Variants in ME3 observed in about 807,000 individuals in gnomAD.
The protein encoded by ME3 is malic enzyme 3.
In ME3, 48 loss-of-function variants were observed where a neutral mutation model predicts 68.9. The ratio of observed to expected loss-of-function variants is 0.70; its 90% confidence interval spans 0.55 to 0.89. ME3 has a LOEUF of 0.89. Among genes scored for constraint, ME3 ranks in the 40% least tolerant of loss-of-function variants. ME3 has a pLI of 0.00. For synonymous variants in ME3, 320 were observed against 318.8 expected, an observed-to-expected ratio of 1.00 and a Z score of -0.04; for missense variants, 675 against 797.4, an observed-to-expected ratio of 0.85 and a Z score of 1.85.
chr11:86,569,932 T>A (rs142451622), intron 2 of ME3, among the ~76,000 whole-genome samples: 1 of 152,198 alleles, frequency 6.6e-6, no homozygotes, highest in East Asian at 1.9e-4. Context: ...AGTTGTTGAC[T>A]GAGTTGAGTT....
At chr11:86,492,097 G>A (rs990952167) in intron 6 of ME3, among the ~76,000 whole-genome samples, 1 of 152,230 alleles carries the variant, frequency 6.6e-6, no homozygotes, top group African/African-American at 2.4e-5. Context: ...ATAGACCTGG[G>A]TTTGAATTGA....
chr11:86,516,858 G>T (rs1197336565), intron 4 of ME3, among the ~76,000 whole-genome samples: 2 of 152,070 alleles, frequency 1.3e-5, no homozygotes, highest in African/African-American at 2.4e-5. Flanking sequence ...TTCTCTCTTA[G>T]CTAGTGCTTG....
intron 2 of ME3, among the ~76,000 whole-genome samples, chr11:86,581,051 C>A (rs564279658): frequency 1.3e-5 from 2 of 152,152 alleles, no homozygotes; most frequent in East Asian, 3.8e-4. Context: ...GAAATATTCT[C>A]CCCAGGGGAA....
intron 8 of ME3, chr11:86,462,523 CAG>C (rs1284689953): frequency 1.7e-6 from 2 of 1,193,228 alleles, no homozygotes; most frequent in African/African-American, 3.1e-5. Flanking sequence ...ACCTGGATAA[CAG>C]AGAGGCTGCA....
At chr11:86,467,624 C>T (rs1476024150) in intron 7 of ME3, among the ~76,000 whole-genome samples, 1 of 150,974 alleles carries the variant, frequency 6.6e-6, no homozygotes, top group Non-Finnish European at 1.5e-5. Flanking sequence ...ATGTGATGAA[C>T]GTTTTCTGTC....
intron 4 of ME3, among the ~76,000 whole-genome samples, chr11:86,530,108 G>A (rs1480928426): frequency 1.3e-5 from 2 of 152,204 alleles, no homozygotes; most frequent in African/African-American, 2.4e-5. Flanking sequence ...AAACCCCATT[G>A]TCTCAGCCCA....
chr11:86,478,526 T>C (rs1951212830), intron 7 of ME3, among the ~76,000 whole-genome samples: 1 of 152,142 alleles, frequency 6.6e-6, no homozygotes, highest in Non-Finnish European at 1.5e-5. Context: ...GGCATTGTTA[T>C]GGGTTCTGCC....
intron 2 of ME3, among the ~76,000 whole-genome samples, chr11:86,592,886 G>A (rs1310772037): frequency 6.6e-6 from 1 of 152,132 alleles, no homozygotes; most frequent in Non-Finnish European, 1.5e-5. Context: ...AGCACAGAAC[G>A]CAGGCATCAA....
intron 2 of ME3, among the ~76,000 whole-genome samples, chr11:86,661,211 G>A (rs929957304): frequency 6.6e-6 from 1 of 152,244 alleles, no homozygotes; most frequent in Non-Finnish European, 1.5e-5. Context: ...AAAGAGCCAT[G>A]ACTACTACAA....
intron 8 of ME3, among the ~76,000 whole-genome samples, chr11:86,455,197 C>T (rs1028541384): frequency 1.9e-4 from 27 of 145,120 alleles, no homozygotes; most frequent in Non-Finnish European, 6.1e-5. Flanking sequence ...TGAGGGCCTA[C>T]AAAGTGACAG....
At chr11:86,618,344 T>TACCTAAC (rs1293468306) in intron 2 of ME3, among the ~76,000 whole-genome samples, 6 of 121,916 alleles carry the variant, frequency 4.9e-5, no homozygotes, top group Non-Finnish European at 8.7e-5. Flanking sequence ...GATCATAAAC[T>TACCTAAC]ACCTAACATA....
At chr11:86,637,658 G>A (rs1344714470) in intron 2 of ME3, among the ~76,000 whole-genome samples, 2 of 152,186 alleles carry the variant, frequency 1.3e-5, no homozygotes, top group Non-Finnish European at 2.9e-5. Flanking sequence ...CTTGTGCGTT[G>A]TGCTAAGGAG....
chr11:86,541,877 G>T (rs945354062), intron 4 of ME3, among the ~76,000 whole-genome samples: 15 of 152,200 alleles, frequency 9.9e-5, no homozygotes, highest in African/African-American at 3.1e-4. Flanking sequence ...CCCAGCAGGG[G>T]TCAACAGATA....
intron 7 of ME3, among the ~76,000 whole-genome samples, chr11:86,475,662 T>C (rs1420522501): frequency 6.6e-6 from 1 of 151,958 alleles, no homozygotes; most frequent in Non-Finnish European, 1.5e-5. Flanking sequence ...TTATCTGGCC[T>C]TGGGGAAATA....
At chr11:86,452,663 G>T (rs1361359043) in intron 8 of ME3, among the ~76,000 whole-genome samples, 1 of 152,136 alleles carries the variant, frequency 6.6e-6, no homozygotes, top group Non-Finnish European at 1.5e-5. Context: ...TAGCAGCCAG[G>T]CATATTTTTC....
intron 4 of ME3, among the ~76,000 whole-genome samples, chr11:86,538,252 G>A (rs921007875): frequency 8.5e-5 from 13 of 152,134 alleles, no homozygotes; most frequent in Admixed American, 3.9e-4. Context: ...AAGGAAAGAC[G>A]TTGGAATAGA....
At chr11:86,651,235 G>T (rs11518770) in intron 2 of ME3, among the ~76,000 whole-genome samples, 3 of 152,040 alleles carry the variant, frequency 2.0e-5, no homozygotes, top group Non-Finnish European at 4.4e-5. Context: ...CTGACAGCTT[G>T]GAAGACAGTA....
chr11:86,575,574 C>T (rs545766467), intron 2 of ME3, among the ~76,000 whole-genome samples: 3 of 128,730 alleles, frequency 2.3e-5, no homozygotes, highest in Admixed American at 2.2e-4. Context: ...GGACTGTTGG[C>T]AATCATTTCT....
At chr11:86,614,431 G>C (rs1942810737) in intron 2 of ME3, among the ~76,000 whole-genome samples, 1 of 152,162 alleles carries the variant, frequency 6.6e-6, no homozygotes, top group Admixed American at 6.5e-5. Flanking sequence ...TACACAGGAT[G>C]GATTTTGCCT....
Sources: allele counts gnomAD v4.1 joint callset (sites outside exome capture counted in the v4.1 genomes callset), GRCh38; gene constraint gnomAD v4.1.1; transcripts MANE v1.5; gene names NCBI Gene and HGNC (gene_info 2026-07-23, HGNC 2026-07-21).